ABLIM1: variants seen among roughly 807,000 people sequenced by gnomAD.
ABLIM1 encodes actin binding LIM protein 1.
ABLIM1 carries 40 observed loss-of-function variants against 107.0 expected under a neutral mutation model. The observed-to-expected ratio is 0.37, with a 90% CI of 0.29 to 0.49. ABLIM1 has a LOEUF of 0.49. ABLIM1 is among the 20% of genes least tolerant of loss of function. The probability of loss-of-function intolerance (pLI) is 0.97; values close to 1 mark genes in which losing one functional copy is unlikely to be tolerated. For missense variants in ABLIM1, 857 were observed against 1,008.5 expected (o/e 0.85, Z 2.04); for synonymous variants, 357 against 357.3 (o/e 1.00, Z 0.01).
chr10:114,722,371 A>G (rs2081867437), intron 1 of ABLIM1, among the ~76,000 whole-genome samples: 1 of 152,200 alleles, frequency 6.6e-6, no homozygotes, highest in African/African-American at 2.4e-5. Flanking sequence ...CACTATCACG[A>G]GAACAGCCAG....
chr10:114,784,694 A>G, the ABLIM1 span, among the ~76,000 whole-genome samples: 3 of 149,324 alleles, frequency 2.0e-5, no homozygotes, highest in Non-Finnish European at 4.4e-5. Context: ...GAAAAAGAAA[A>G]AAAAAAAAAA....
intron 1 of ABLIM1, among the ~76,000 whole-genome samples, chr10:114,673,131 G>A (rs1194539737): frequency 6.6e-6 from 1 of 151,850 alleles, no homozygotes; most frequent in African/African-American, 2.4e-5. Context: ...GGTGGTGCAT[G>A]CCTGCAATCC....
intron 6 of ABLIM1, among the ~76,000 whole-genome samples, chr10:114,512,407 T>C (rs899569694): frequency 2.6e-5 from 4 of 152,184 alleles, no homozygotes. Flanking sequence ...AAGTGGACAA[T>C]AGACATTCAT....
chr10:114,570,194 G>A (rs2071436447), intron 4 of ABLIM1, among the ~76,000 whole-genome samples: 1 of 152,196 alleles, frequency 6.6e-6, no homozygotes, highest in Non-Finnish European at 1.5e-5. Flanking sequence ...TAATGTCCCA[G>A]GAAAGAGATG....
intron 6 of ABLIM1, among the ~76,000 whole-genome samples, chr10:114,524,695 T>C (rs1026145373): frequency 5.9e-5 from 9 of 152,176 alleles, no homozygotes; most frequent in African/African-American, 2.2e-4. Context: ...GACAAAATAG[T>C]ATATCCCCAG....
intron 17 of ABLIM1, 58 bp from the exon 18 acceptor site, chr10:114,441,844 A>C (rs1383632506): frequency 1.3e-6 from 2 of 1,485,188 alleles, no homozygotes; most frequent in African/African-American, 2.8e-5. Context: ...CCAATCCTTT[A>C]ATGAAATTGG....
intron 6 of ABLIM1, among the ~76,000 whole-genome samples, chr10:114,518,602 G>GT: frequency 1.3e-5 from 2 of 151,116 alleles, no homozygotes; most frequent in Non-Finnish European, 2.9e-5. Context: ...CCCACTACCT[G>GT]TTTTTTGTAA....
upstream of ABLIM1, among the ~76,000 whole-genome samples, chr10:114,686,518 AAAAAAC>A: frequency 6.6e-6 from 1 of 151,914 alleles, no homozygotes; most frequent in Non-Finnish European, 1.5e-5. Context: ...GTCTCAAAAA[AAAAAAC>A]AAAAACAAAA....
intron 1 of ABLIM1, among the ~76,000 whole-genome samples, chr10:114,604,949 C>G (rs922740926): frequency 5.3e-5 from 8 of 152,238 alleles, no homozygotes; most frequent in Admixed American, 1.3e-4. Flanking sequence ...AAGCTCAGAA[C>G]TGGGATCAGC....
chr10:114,733,848 A>AT (rs974752220), intron 1 of ABLIM1, among the ~76,000 whole-genome samples: 9 of 150,976 alleles, frequency 6.0e-5, no homozygotes, highest in Admixed American at 1.3e-4. Flanking sequence ...TTGCAACTTT[A>AT]TTTTTTTTTA....
At chr10:114,760,521 T>C (rs543457396) in intron 1 of ABLIM1, among the ~76,000 whole-genome samples, 1 of 151,948 alleles carries the variant, frequency 6.6e-6, no homozygotes, top group African/African-American at 2.4e-5. Flanking sequence ...AGGACACATA[T>C]ATCAAATGTA....
chr10:114,672,876 A>C lies in ABLIM1; in HGVS notation c.64+11414T>G, dbSNP rs552389050. On this transcript the variant is annotated intron_variant, in intron 1 of 23. Coordinates refer to the ABLIM1 transcript ENST00000369256. ...TTACTGAAAAATCCATTCTTTCTGC[A>C]CTGAATTGTAGTGGCACCTGTGTTG... is the stretch of plus-strand genomic sequence containing the variant. Among the ~76,000 whole-genome samples the C allele has an allele frequency of 4.1e-4, 62 of 152,256 alleles. No homozygotes were observed. The Middle Eastern group carries it at 0.014, about 33-fold the overall frequency.
At chr10:114,725,595 A>T (rs1296995044) in intron 1 of ABLIM1, among the ~76,000 whole-genome samples, 2 of 152,156 alleles carry the variant, frequency 1.3e-5, no homozygotes, top group Non-Finnish European at 2.9e-5. Flanking sequence ...GAGGAGATGC[A>T]CTGGGAGTTA....
the ABLIM1 span, among the ~76,000 whole-genome samples, chr10:114,783,009 C>T: frequency 6.6e-6 from 1 of 151,868 alleles, no homozygotes; most frequent in Non-Finnish European, 1.5e-5. Context: ...TGGCCAGGCA[C>T]GGTGGCTCAC....
At chr10:114,447,300 G>T (rs544451470) in intron 15 of ABLIM1, among the ~76,000 whole-genome samples, 5 of 152,174 alleles carry the variant, frequency 3.3e-5, no homozygotes, top group Non-Finnish European at 5.9e-5. Context: ...GAAAATGGTA[G>T]ATGTAAAATC....
At chr10:114,439,044 T>C in intron 21 of ABLIM1, 132 bp downstream of exon 21, 1 of 1,015,062 alleles carries the variant, frequency 9.9e-7, no homozygotes, top group Non-Finnish European at 1.5e-6. Flanking sequence ...AATGGCAAGG[T>C]GCATATTCAT....
At chr10:114,684,262 G>A in intron 1 of ABLIM1, 2 of 1,610,212 alleles carry the variant, frequency 1.2e-6, no homozygotes, top group Non-Finnish European at 1.7e-6. Flanking sequence ...CAGAATATAT[G>A]CTGACTTTAC....
Position 114,581,537 on chromosome 10 carries a change from C to T in ABLIM1, c.380-5938G>A, listed in dbSNP as rs1392246595. ...GTAGACTGAACATCTCTTTCTTGTG[C>T]TACTGCTCTCATACAGGTTTTAATC... is the stretch of plus-strand genomic sequence containing the variant. On this transcript the variant is annotated intron_variant, in intron 2 of 22. Coordinates refer to ENST00000533213, the MANE Select transcript of ABLIM1 (RefSeq NM_002313.7). 2.0e-5 allele frequency among the ~76,000 whole-genome samples: 3 copies of T among 152,148 alleles called. No individual in the cohort carries two copies. The South Asian group carries it at 6.2e-4, about 32-fold the overall frequency.
chr10:114,522,167 T>C (rs978324341), intron 6 of ABLIM1, among the ~76,000 whole-genome samples: 5 of 152,192 alleles, frequency 3.3e-5, no homozygotes, highest in African/African-American at 1.2e-4. Context: ...CTCAGAGGGC[T>C]GCATAAGCCA....
Sources: gnomAD v4.1 joint callset for allele counts (sites outside exome capture counted in the v4.1 genomes callset) on GRCh38, gnomAD v4.1.1 for gene constraint, MANE v1.5 for transcripts, NCBI Gene and HGNC (gene_info 2026-07-23, HGNC 2026-07-21) for gene names.